AKT2: variants seen among roughly 807,000 people sequenced by gnomAD.
AKT2 encodes RAC-beta serine/threonine-protein kinase.
AKT2 carries 16 observed loss-of-function variants against 58.6 expected under a neutral mutation model. That is an observed-to-expected ratio of 0.27 (90% confidence interval 0.18 to 0.41). The LOEUF is 0.41. AKT2 is among the 10% of genes least tolerant of loss of function. The pLI, the probability that AKT2 is intolerant of heterozygous loss-of-function variation, is 1.00. For missense variants in AKT2, 438 were observed against 661.0 expected (o/e 0.66, Z 3.70); for synonymous variants, 253 against 254.0 (o/e 1.00, Z 0.04).
At chr19:40,279,974 G>A (rs1294746540) in intron 1 of AKT2, among the ~76,000 whole-genome samples, 1 of 152,188 alleles carries the variant, frequency 6.6e-6, no homozygotes, top group African/African-American at 2.4e-5. Flanking sequence ...CACCTCCTCA[G>A]GGAGGTCCTC....
chr19:40,263,481 T>C (rs558863229), intron 2 of AKT2, among the ~76,000 whole-genome samples: 1 of 152,306 alleles, frequency 6.6e-6, no homozygotes, highest in East Asian at 1.9e-4. Context: ...CAAGGCTCAG[T>C]GAGGTGACAT....
At chr19:40,267,202 T>C (rs1328919947) in intron 1 of AKT2, among the ~76,000 whole-genome samples, 1 of 152,146 alleles carries the variant, frequency 6.6e-6, no homozygotes, top group Non-Finnish European at 1.5e-5. Flanking sequence ...AGAACCTTTG[T>C]GGCTCCCTGG....
At chr19:40,272,184 T>C (rs1446211539) in intron 1 of AKT2, among the ~76,000 whole-genome samples, 2 of 152,202 alleles carry the variant, frequency 1.3e-5, no homozygotes, top group Non-Finnish European at 2.9e-5. Flanking sequence ...TATGACTTCA[T>C]CTCAGGAAGT....
rs1490840363 is a variant in AKT2 at position 40,238,041 on chromosome 19, C to T, written c.759G>A (p.Arg253=). The change falls in exon 9 of 14, where the codon CGG becomes CGA. Residue 253 remains arginine (R), a synonymous_variant. Coordinates refer to ENST00000392038, the MANE Select transcript of AKT2 (RefSeq NM_001626.6). This position sits in a 1 kb window ranked among gnomAD's most constrained non-coding sequence, Gnocchi z 5.1. ...CCGAGACAATCTCTGCACCATAAAA[C>T]CGGGCCCGCTCCTCTGTGAAGACAC... ...RERVFTEERA[R]FYGAEIVSAL... 1 of 1,610,114 alleles carries T rather than the reference C, an allele frequency of 6.2e-7. No individual in the cohort carries two copies. Among genetic ancestry groups the T allele is most frequent in the Admixed American group, 1.7e-5 (1 of 59,370 alleles).
At chr19:40,253,005 T>C (rs1975275671) in intron 4 of AKT2, among the ~76,000 whole-genome samples, 2 of 152,196 alleles carry the variant, frequency 1.3e-5, no homozygotes, top group Non-Finnish European at 2.9e-5. Context: ...AATTATAGTA[T>C]AGATTATAGT....
intron 2 of AKT2, among the ~76,000 whole-genome samples, chr19:40,259,265 G>C (rs575964702): frequency 6.6e-6 from 1 of 151,704 alleles, no homozygotes; most frequent in South Asian, 2.1e-4. Flanking sequence ...GTTCCTTGCA[G>C]AGCAGGGAAC....
intron 1 of AKT2, among the ~76,000 whole-genome samples, chr19:40,271,285 G>C (rs1362227697): frequency 6.7e-6 from 1 of 148,432 alleles, no homozygotes; most frequent in Non-Finnish European, 1.5e-5. Context: ...ATAGTAGTCA[G>C]GTGTGGTGGT....
intron 4 of AKT2, among the ~76,000 whole-genome samples, chr19:40,249,465 G>A (rs924081931): frequency 6.6e-6 from 1 of 152,210 alleles, no homozygotes; most frequent in Non-Finnish European, 1.5e-5. Context: ...TGAATCCAGG[G>A]CCTGGACCCC....
chr19:40,234,753 A>G lies in AKT2; in HGVS notation c.1366+292T>C. ...CCCAGCCCTGGGCTGAGTTCAGAGT[A>G]AGAACCCAAACAGCTGTAAAGCAGT... On this transcript the variant is annotated intron_variant, in intron 13 of 13. Coordinates refer to ENST00000392038, the MANE Select transcript of AKT2 (RefSeq NM_001626.6). The surrounding 1 kb of genome is among the most constrained non-coding windows in gnomAD (Gnocchi z 4.7). 1.6e-6 allele frequency: 1 copy of G among 607,360 alleles called. No homozygotes were observed. 37.6% of individuals were successfully genotyped at this position (607,360 alleles called of 1,614,324 possible).
At chr19:40,246,513 GA>G (rs553242636) in intron 4 of AKT2, among the ~76,000 whole-genome samples, 11 of 148,604 alleles carry the variant, frequency 7.4e-5, no homozygotes, top group Admixed American at 1.3e-4. Context: ...GGCGGATTGG[GA>G]AAAAAAAAAT....
At chr19:40,262,244 G>GAA (rs796807604) in intron 2 of AKT2, among the ~76,000 whole-genome samples, 2 of 133,320 alleles carry the variant, frequency 1.5e-5, no homozygotes, top group Non-Finnish European at 1.6e-5. Context: ...ATATATCTAT[G>GAA]AAAAAAAAAA....
At chr19:40,248,845 CAGGAGATGAGGACAGGGAGGAGTGG>C (rs1568538532) in intron 4 of AKT2, among the ~76,000 whole-genome samples, 66 of 86,404 alleles carry the variant, frequency 7.6e-4, no homozygotes, top group African/African-American at 2.6e-3. Context: ...GAGAGGAGTG[CAGGAGATGAGGACAGGGAGGAGTGG>C]AGGAGATGAG....
intron 2 of AKT2, among the ~76,000 whole-genome samples, chr19:40,257,405 C>G (rs76434446): frequency 6.6e-6 from 1 of 152,222 alleles, no homozygotes; most frequent in Non-Finnish European, 1.5e-5. Context: ...ACACACATGC[C>G]CTGTGGCCCT....
chr19:40,257,997 G>A (rs930178912), intron 2 of AKT2, among the ~76,000 whole-genome samples: 6 of 151,948 alleles, frequency 3.9e-5, no homozygotes, highest in East Asian at 1.9e-4. Flanking sequence ...CTGTAATCCC[G>A]GCACTTTGGG....
At chr19:40,274,634 A>C in intron 1 of AKT2, 6 of 225,756 alleles carry the variant, frequency 2.7e-5, no homozygotes, top group South Asian at 2.0e-4. Flanking sequence ...TGGTGACAGA[A>C]GGGCGCACTG....
chr19:40,239,978 G>A (rs528488515), intron 7 of AKT2, 67 bp downstream of exon 7: 1 of 1,556,810 alleles, frequency 6.4e-7, no homozygotes. Context: ...CAGAAGATTA[G>A]GGCTCTCTCT....
At chr19:40,254,394 G>A (rs1440962521) in intron 4 of AKT2, among the ~76,000 whole-genome samples, 2 of 152,154 alleles carry the variant, frequency 1.3e-5, no homozygotes, top group Non-Finnish European at 2.9e-5. Context: ...CAGATGTGGT[G>A]GCACGTGCCT....
chr19:40,263,605 G>C (rs1976122742), intron 2 of AKT2, among the ~76,000 whole-genome samples: 2 of 152,166 alleles, frequency 1.3e-5, no homozygotes, highest in Non-Finnish European at 2.9e-5. Flanking sequence ...TCAGGCTGGG[G>C]GACTGGGCCA....
intron 2 of AKT2, among the ~76,000 whole-genome samples, chr19:40,259,271 G>A (rs1303019681): frequency 1.3e-5 from 2 of 150,750 alleles, no homozygotes; most frequent in African/African-American, 2.5e-5. Context: ...TGCAGAGCAG[G>A]GAACAGTGAC....
Sources: gnomAD v4.1 joint callset for allele counts (sites outside exome capture counted in the v4.1 genomes callset) on GRCh38, gnomAD v4.1.1 for gene constraint, Gnocchi (gnomAD v3.1) non-coding constraint, MANE v1.5 for transcripts, NCBI Gene and HGNC (gene_info 2026-07-23, HGNC 2026-07-21) for gene names.